The following TASOR2 variants were observed in gnomAD, a reference collection of about 807,000 sequenced individuals.
TASOR2 encodes protein TASOR 2.
In TASOR2, 84 loss-of-function variants were observed where a neutral mutation model predicts 199.5. The observed-to-expected ratio is 0.42, with a 90% confidence interval of 0.35 to 0.50. The LOEUF is 0.50. TASOR2 is among the 20% of genes least tolerant of loss of function. The pLI, the probability that TASOR2 is intolerant of heterozygous loss-of-function variation, is 0.02. For missense variants in TASOR2, 2,796 were observed against 2,835.9 expected (o/e 0.99, Z 0.32); for synonymous variants, 1,103 against 1,046.6 (o/e 1.05, Z -1.04).
At position 5,738,471 on chromosome 10, in the gene TASOR2, T is replaced by C. The variant is rs1362746600; in HGVS notation, c.1448-1147T>C. Among the ~76,000 whole-genome samples the C allele has an allele frequency of 6.6e-6, 1 of 152,220 alleles. No homozygotes were observed. On this transcript the variant is annotated intron_variant, in intron 12 of 20. Coordinates refer to ENST00000328090, the Ensembl canonical transcript of TASOR2. The surrounding 1 kb of genome is among the most constrained non-coding windows in gnomAD (Gnocchi z 4.7). ...ATTAATTTTATGTTTCCAGTATACC[T>C]GTGGGACTAACAAGACAATTATCTG...
At chr10:5,744,753 C>T (rs144114278) in intron 14 of TASOR2, among the ~76,000 whole-genome samples, 3,653 of 152,174 alleles carry the variant, frequency 0.024, 54 homozygotes, top group South Asian at 0.037. Context: ...CTCAGCCTCC[C>T]GAGTAGCTGG....
intron 10 of TASOR2, among the ~76,000 whole-genome samples, chr10:5,728,874 AC>A (rs1185891248): frequency 1.3e-5 from 2 of 152,158 alleles, no homozygotes; most frequent in Non-Finnish European, 2.9e-5. Context: ...CTAACAGCTA[AC>A]TTCAGATCTG....
chr10:5,714,360 T>G, intron 2 of TASOR2, 153 bp downstream of exon 3: 2 of 421,714 alleles, frequency 4.7e-6, no homozygotes, highest in East Asian at 7.4e-5. Context: ...TTTAAACATA[T>G]GAATGAGATT....
chr10:5,753,504 A>G (rs1158848318), intron 15 of TASOR2, among the ~76,000 whole-genome samples: 1 of 152,122 alleles, frequency 6.6e-6, no homozygotes, highest in Non-Finnish European at 1.5e-5. Context: ...CTGGGACTAC[A>G]GGCGCCCGCC....
rs1009638475 is a variant in TASOR2, at chr10:5,685,520, C to T, written c.-288+345C>T. ...AGTTCTTGGCTGAAGTTTCCGTCTT[C>T]GGGTTTGCACCGGCTGGGAAATCAT... On this transcript the variant is annotated intron_variant, in intron 1 of 20. Transcript: ENST00000328090. This position sits in a 1 kb window ranked among gnomAD's most constrained non-coding sequence, Gnocchi z 5.4. Among the ~76,000 whole-genome samples, 8 of 152,186 alleles carry T rather than the reference C, an allele frequency of 5.3e-5. No homozygotes were observed. The highest frequency in any genetic ancestry group is 1.0e-4 in the Non-Finnish European group (7 of 68,038).
intron 15 of TASOR2, among the ~76,000 whole-genome samples, chr10:5,755,889 G>A (rs2131647348): frequency 6.6e-6 from 1 of 152,202 alleles, no homozygotes; most frequent in African/African-American, 2.4e-5. Flanking sequence ...CTACCTGGGA[G>A]GCTGAGGTAG....
rs1837479222 is a variant in TASOR2 at position 5,699,004 on chromosome 10, C to T, written c.-287-13819C>T. Among the ~76,000 whole-genome samples, 1 of 152,122 alleles carries T rather than the reference C, an allele frequency of 6.6e-6. No homozygotes were observed. The highest frequency in any genetic ancestry group is 1.5e-5 in the Non-Finnish European group (1 of 67,990). ...GGTATATACGTAAGAGAAATGAAAA[C>T]ATGTTCACATAAAAACTTATACATG... is the stretch of plus-strand genomic sequence containing the variant. On this transcript the variant is annotated intron_variant, in intron 1 of 20. Transcript: ENST00000328090. The surrounding 1 kb of genome is among the most constrained non-coding windows in gnomAD (Gnocchi z 4.1).
intron 20 of TASOR2, 148 bp downstream of exon 21, chr10:5,762,794 G>C: frequency 1.5e-6 from 1 of 647,352 alleles, no homozygotes; most frequent in Non-Finnish European, 2.7e-6. Flanking sequence ...GGGTGGAATT[G>C]CTATTTGGCA....
In TASOR2 at chr10:5,706,358, T is replaced by C. The variant is rs944672950; in HGVS notation, c.-287-6465T>C. Among the ~76,000 whole-genome samples, 3 of 152,344 alleles carry C rather than the reference T, an allele frequency of 2.0e-5. No individual in the cohort carries two copies. Among genetic ancestry groups the C allele is most frequent in the African/African-American group, 7.2e-5 (3 of 41,576 alleles). Reference sequence around the variant, plus strand: ...ATTTTAGAATCAGATCATCAGTTTCTGCAAACTGAGATTGTGTTGAATCTG... The same window carrying C: ...ATTTTAGAATCAGATCATCAGTTTCCGCAAACTGAGATTGTGTTGAATCTG... On this transcript the variant is annotated intron_variant, in intron 1 of 20. Coordinates refer to ENST00000328090, the Ensembl canonical transcript of TASOR2. This position sits in a 1 kb window ranked among gnomAD's most constrained non-coding sequence, Gnocchi z 4.8.
At chr10:5,723,799 C>G in intron 7 of TASOR2, 22 bp downstream of exon 8, 1 of 1,487,912 alleles carries the variant, frequency 6.7e-7, no homozygotes, top group Non-Finnish European at 9.2e-7. Context: ...TGTAATAACA[C>G]GCTACTTGTC....
Position 5,748,824 on chromosome 10 carries a change from C to T in TASOR2, c.5403C>T (p.Leu1801=), listed in dbSNP as rs371347987. 14 of 1,614,132 alleles carry T rather than the reference C, an allele frequency of 8.7e-6. No individual in the cohort carries two copies. The highest frequency in any genetic ancestry group is 1.0e-5 in the Non-Finnish European group (12 of 1,180,026). Residue 1801 remains leucine (L), a synonymous_variant, in exon 15 of 21, where the codon CTC becomes CTT. Coordinates refer to ENST00000328090, the Ensembl canonical transcript of TASOR2. The surrounding 1 kb of genome is among the most constrained non-coding windows in gnomAD (Gnocchi z 5.1). ...AAATTGAGAACAGTGGGGAGGGGCT[C>T]AGGGCTGAGGCTGGTTCTGAAACCC...
chr10:5,761,299 A>C (rs1839791903), exon 19 of TASOR2: 1 of 1,612,880 alleles, frequency 6.2e-7, no homozygotes, highest in Non-Finnish European at 8.5e-7. Flanking sequence ...GAGTGGATTC[A>C]ACTGCACATA....
chr10:5,714,127 G>C lies in TASOR2; in HGVS notation c.-192+1209G>C. 8.1e-7 allele frequency: 1 copy of C among 1,229,624 alleles called. No homozygotes were observed. The highest frequency in any genetic ancestry group is 1.0e-6 in the Non-Finnish European group (1 of 986,240). The allele number at this position is 1,229,624 out of a possible 1,614,324, so 76.2% of individuals were successfully genotyped here. A position where few individuals can be genotyped will look rare whatever the true frequency, so the allele number is the denominator to read the frequency against. ...AAAGACTGAAGCAAAGTAATCTTTTGTTTAAAGGCAAAATTGGTATGTCAG... is the reference window on the plus strand; with the variant it reads ...AAAGACTGAAGCAAAGTAATCTTTTCTTTAAAGGCAAAATTGGTATGTCAG... On this transcript the variant is annotated intron_variant, in intron 2 of 20. Transcript: ENST00000328090.
At position 5,720,961 on chromosome 10, in the gene TASOR2, C is replaced by CA; in HGVS notation, c.139dup (p.Thr47AsnfsTer10). 2.5e-6 allele frequency: 4 copies of CA among 1,610,384 alleles called. No individual in the cohort carries two copies. Among genetic ancestry groups the CA allele is most frequent in the Non-Finnish European group, 2.5e-6 (3 of 1,177,906 alleles). On this transcript the variant is annotated frameshift_variant, in exon 6 of 21. Transcript: ENST00000328090. LOFTEE classifies it high-confidence loss of function. The surrounding 1 kb of genome is among the most constrained non-coding windows in gnomAD (Gnocchi z 5.3). The stretch of plus-strand genomic sequence containing the variant: ...TGGTCCACTTACGGTGCAATGATTC[C>CA]AACACAGCTGTAAGTATTAAATGTT...
chr10:5,718,322 G>GT (rs557861716), intron 3 of TASOR2, among the ~76,000 whole-genome samples: 2,632 of 113,074 alleles, frequency 0.023, 43 homozygotes, highest in South Asian at 0.046. Context: ...TCGTTTTATT[G>GT]TTTTTTTTTT....
At position 5,738,516 on chromosome 10, in the gene TASOR2, A is replaced by G. The variant is rs1835928720; in HGVS notation, c.1448-1102A>G. On this transcript the variant is annotated intron_variant, in intron 12 of 20. Transcript: ENST00000328090. The surrounding 1 kb of genome is among the most constrained non-coding windows in gnomAD (Gnocchi z 4.7). ...TATCTGCTTTGGGTCCTTTTCATCC[A>G]CCTGTCCCCTTTGAGTTTGCTGTTT... Among the ~76,000 whole-genome samples, 2 of 152,202 alleles carry G rather than the reference A, an allele frequency of 1.3e-5. No individual in the cohort carries two copies. The highest frequency in any genetic ancestry group is 2.4e-5 in the African/African-American group (1 of 41,460).
At chr10:5,726,820 G>T in intron 8 of TASOR2, 65 bp from the exon 10 acceptor site, 5 of 1,397,396 alleles carry the variant, frequency 3.6e-6, no homozygotes, top group Non-Finnish European at 5.1e-6. Context: ...TAATGAGTAT[G>T]GGTAGAGGGA....
intron 2 of TASOR2, among the ~76,000 whole-genome samples, chr10:5,715,190 T>A (rs1832456654): frequency 6.6e-6 from 1 of 151,206 alleles, no homozygotes; most frequent in African/African-American, 2.4e-5. Context: ...TGAGAAAGAT[T>A]ATCGGGCTTC....
At chr10:5,753,646 C>CGGGCGG (rs1190002987) in intron 15 of TASOR2, among the ~76,000 whole-genome samples, 1 of 152,164 alleles carries the variant, frequency 6.6e-6, no homozygotes, top group African/African-American at 2.4e-5. Context: ...AGGCATGAGC[C>CGGGCGG]ACTCCGCCCA....
Sources: allele counts gnomAD v4.1 joint callset (sites outside exome capture counted in the v4.1 genomes callset), GRCh38; gene constraint gnomAD v4.1.1; non-coding constraint Gnocchi (gnomAD v3.1); transcripts MANE v1.5; gene names NCBI Gene and HGNC (gene_info 2026-07-23, HGNC 2026-07-21).